FAM3C: variants seen among roughly 807,000 people sequenced by gnomAD.
FAM3C encodes protein FAM3C.
FAM3C carries 15 observed loss-of-function variants against 32.5 expected under a neutral mutation model. The observed-to-expected ratio is 0.46, with a 90% confidence interval of 0.31 to 0.71. The LOEUF (loss-of-function observed/expected upper bound fraction) is 0.71, where lower values mean the gene tolerates loss of function less well. FAM3C is among the 30% of genes least tolerant of loss of function. The pLI is 0.05. For missense variants in FAM3C, 175 were observed against 274.4 expected (o/e 0.64, Z 2.56); for synonymous variants, 75 against 86.1 (o/e 0.87, Z 0.72).
intron 3 of FAM3C, among the ~76,000 whole-genome samples, chr7:121,374,105 AAAC>A (rs1488311410): frequency 3.3e-5 from 5 of 152,232 alleles, no homozygotes; most frequent in Non-Finnish European, 5.9e-5. Context: ...TTCAAACTGA[AAAC>A]AACACTACAT....
chr7:121,360,902 TA>T (rs1264503113), intron 7 of FAM3C, among the ~76,000 whole-genome samples: 1 of 152,144 alleles, frequency 6.6e-6, no homozygotes, highest in African/African-American at 2.4e-5. Context: ...GGTACTTTAC[TA>T]GAAAGAGGAT....
chr7:121,363,483 T>C (rs1793966543), intron 6 of FAM3C, among the ~76,000 whole-genome samples: 1 of 152,166 alleles, frequency 6.6e-6, no homozygotes, highest in Non-Finnish European at 1.5e-5. Context: ...AATTTACCTC[T>C]TGCTGTGAAA....
At chr7:121,372,702 T>C (rs1282204530) in intron 3 of FAM3C, among the ~76,000 whole-genome samples, 1 of 152,188 alleles carries the variant, frequency 6.6e-6, no homozygotes, top group African/African-American at 2.4e-5. Context: ...AACCTGACCA[T>C]CTATCATAAT....
rs561692835 is a variant in FAM3C, at chr7:121,355,185, TAAA to T, written c.468-3919_468-3917del. 9.2e-4 allele frequency among the ~76,000 whole-genome samples: 140 copies of T among 152,242 alleles called. 2 individuals carry two copies. The Middle Eastern group carries it at 0.01, about 11-fold the overall frequency. On this transcript the variant is annotated intron_variant, in intron 8 of 9. Coordinates refer to ENST00000359943, the MANE Select transcript of FAM3C (RefSeq NM_014888.3). The stretch of plus-strand genomic sequence containing the variant: ...GGAGGCAAACATTCTTTGATCAACA[TAAA>T]AAGGGAATAGTAGCTCAAGAAGTCC...
intron 1 of FAM3C, among the ~76,000 whole-genome samples, chr7:121,393,230 G>A (rs980142051): frequency 2.6e-5 from 4 of 152,146 alleles, no homozygotes; most frequent in Non-Finnish European, 4.4e-5. Flanking sequence ...GGCTGAGGTC[G>A]AAGGATCACC....
At chr7:121,378,834 A>T in intron 3 of FAM3C, 76 bp downstream of exon 3, 1 of 675,390 alleles carries the variant, frequency 1.5e-6, no homozygotes, top group South Asian at 2.0e-5. Context: ...GCACTGAGTG[A>T]CTCAGTGCTG....
intron 5 of FAM3C, among the ~76,000 whole-genome samples, chr7:121,371,039 A>T (rs1289588327): frequency 1.3e-5 from 2 of 152,248 alleles, no homozygotes; most frequent in African/African-American, 4.8e-5. Flanking sequence ...GGGACAGTGC[A>T]GATCTAGAGA....
chr7:121,358,864 C>T (rs1226797286), intron 8 of FAM3C, among the ~76,000 whole-genome samples: 2 of 151,710 alleles, frequency 1.3e-5, no homozygotes, highest in African/African-American at 2.4e-5. Flanking sequence ...AAATAATGTA[C>T]AATAAATACA....
intron 5 of FAM3C, chr7:121,364,436 A>G: frequency 7.5e-6 from 3 of 400,894 alleles, no homozygotes; most frequent in Admixed American, 4.3e-5. Context: ...GGCCTGAAAT[A>G]ATAGACCATT....
intron 1 of FAM3C, 81 bp from the exon 2 acceptor site, chr7:121,383,091 A>G: frequency 1.4e-6 from 1 of 692,122 alleles, no homozygotes; most frequent in Non-Finnish European, 2.4e-6. Flanking sequence ...AATGGGGCAT[A>G]TAAACTAGTA....
chr7:121,365,473 G>A (rs1165326584), intron 5 of FAM3C, among the ~76,000 whole-genome samples: 1 of 151,974 alleles, frequency 6.6e-6, no homozygotes, highest in African/African-American at 2.4e-5. Context: ...CTCACCTCAA[G>A]TCTAGAACTT....
rs927892071 is a variant in FAM3C at position 121,365,925 on chromosome 7, G to T, written c.273-1737C>A. On this transcript the variant is annotated intron_variant, in intron 5 of 9. Transcript: ENST00000359943. ...TTTCAACAGACATTTCTCCACAGAA[G>T]ATATACAAATGGCCAATAAGCACAC... 3.3e-5 allele frequency among the ~76,000 whole-genome samples: 5 copies of T among 152,260 alleles called. No individual in the cohort carries two copies. In the East Asian group the frequency reaches 9.6e-4, roughly 29 times the overall value.
At chr7:121,355,894 T>C (rs768941995) in intron 8 of FAM3C, among the ~76,000 whole-genome samples, 18 of 152,260 alleles carry the variant, frequency 1.2e-4, no homozygotes, top group South Asian at 6.2e-4. Context: ...GGAAACTTCA[T>C]AGGACGAATG....
intron 1 of FAM3C, among the ~76,000 whole-genome samples, chr7:121,386,483 A>G (rs1011688318): frequency 1.3e-5 from 2 of 152,004 alleles, no homozygotes; most frequent in Non-Finnish European, 2.9e-5. Context: ...CTGGACTGTC[A>G]GAGCTTGCCA....
At chr7:121,364,711 T>C (rs950971382) in intron 5 of FAM3C, among the ~76,000 whole-genome samples, 15 of 152,232 alleles carry the variant, frequency 9.9e-5, no homozygotes, top group African/African-American at 3.6e-4. Context: ...CTAAGAAATA[T>C]TGCACTCATG....
chr7:121,381,722 T>C (rs1351270834), intron 2 of FAM3C, among the ~76,000 whole-genome samples: 1 of 150,954 alleles, frequency 6.6e-6, no homozygotes, highest in Non-Finnish European at 1.5e-5. Flanking sequence ...TTGCAACACA[T>C]TTATTTAGAC....
At chr7:121,378,808 C>A in intron 3 of FAM3C, 102 bp downstream of exon 3, 1 of 520,788 alleles carries the variant, frequency 1.9e-6, no homozygotes, top group South Asian at 3.0e-5. Context: ...ATATAATAAT[C>A]ACATTTCGTT....
chr7:121,350,847 A>G (rs1793689171), intron 9 of FAM3C, among the ~76,000 whole-genome samples: 1 of 152,184 alleles, frequency 6.6e-6, no homozygotes, highest in African/African-American at 2.4e-5. Flanking sequence ...TGATTCTAAA[A>G]TCCAAAGCTC....
chr7:121,367,942 G>A (rs1168738586), intron 5 of FAM3C, among the ~76,000 whole-genome samples: 1 of 151,728 alleles, frequency 6.6e-6, no homozygotes, highest in Admixed American at 6.6e-5. Context: ...CTCCAGCCTG[G>A]GCAACAGAAT....
Sources: gnomAD v4.1 joint callset for allele counts (sites outside exome capture counted in the v4.1 genomes callset) on GRCh38, gnomAD v4.1.1 for gene constraint, MANE v1.5 for transcripts, NCBI Gene and HGNC (gene_info 2026-07-23, HGNC 2026-07-21) for gene names.